The following PSMB2 variants were observed in gnomAD, a reference collection of about 807,000 sequenced individuals.
PSMB2 encodes the protein proteasome subunit beta type-2.
PSMB2 carries 13 observed loss-of-function variants against 25.7 expected under a neutral mutation model. The ratio of observed to expected loss-of-function variants is 0.51; its 90% confidence interval spans 0.33 to 0.80. The LOEUF (loss-of-function observed/expected upper bound fraction) is 0.80. Ranked by LOEUF, PSMB2 falls within the 30% of genes least tolerant of loss-of-function variation. The pLI is 0.02. For missense variants in PSMB2, 202 were observed against 259.0 expected (o/e 0.78, Z 1.51); for synonymous variants, 87 against 96.2 (o/e 0.90, Z 0.56).
At chr1:35,609,774 T>C (rs948560268) in intron 3 of PSMB2, among the ~76,000 whole-genome samples, 2 of 152,184 alleles carry the variant, frequency 1.3e-5, no homozygotes, top group Non-Finnish European at 2.9e-5. Context: ...TTAAAATAAC[T>C]AAAAGAGTAT....
chr1:35,627,192 G>A (rs150258739), intron 3 of PSMB2, among the ~76,000 whole-genome samples: 8 of 149,472 alleles, frequency 5.4e-5, no homozygotes, highest in African/African-American at 2.0e-4. Context: ...GTTTGAGCCC[G>A]GGAGGTTGAG....
rs529519132 is a variant in PSMB2, at chr1:35,601,094, T to A, written c.*2173A>T. On this transcript the variant is annotated 3_prime_UTR_variant, in exon 6 of 6. Coordinates refer to ENST00000373237, the MANE Select transcript of PSMB2 (RefSeq NM_002794.5). ...TTTTTTTTTTTTTTTTGAGACAGAG[T>A]CTTGCTCTGTCAGCCAGGCTGGAGT... The A allele has an allele frequency of 3.6e-4, 339 of 932,508 alleles. No homozygotes were observed. The highest frequency in any genetic ancestry group is 4.1e-4 in the Non-Finnish European group (330 of 802,790). The allele number at this position is 932,508 out of a possible 1,614,324, so 57.8% of individuals were successfully genotyped here.
chr1:35,638,998 A>G, intron 1 of PSMB2, among the ~76,000 whole-genome samples: 1 of 152,192 alleles, frequency 6.6e-6, no homozygotes, highest in East Asian at 1.9e-4. Flanking sequence ...TCACGCCTGT[A>G]ATCCCAGCAC....
chr1:35,599,982 C>T lies in PSMB2; in HGVS notation c.*3285G>A, dbSNP rs920935303. The T allele has an allele frequency of 1.5e-6, 1 of 659,750 alleles. No homozygotes were observed. The highest frequency in any genetic ancestry group is 1.9e-6 in the Non-Finnish European group (1 of 533,060). 40.9% of individuals were successfully genotyped at this position (659,750 alleles called of 1,614,324 possible). On this transcript the variant is annotated 3_prime_UTR_variant, in exon 6 of 6. Coordinates refer to ENST00000373237, the MANE Select transcript of PSMB2 (RefSeq NM_002794.5). ...ACCCTGTCTCTACAAAAAATTTTGA[C>T]AAAATTAGCTGGGTGCAGTGGTGCA...
At chr1:35,628,596 A>AAAAAAATAT (rs59538661) in intron 3 of PSMB2, among the ~76,000 whole-genome samples, 9 of 25,106 alleles carry the variant, frequency 3.6e-4, no homozygotes, top group Admixed American at 8.2e-4. Flanking sequence ...AAAAAAAAAA[A>AAAAAAATAT]ATATATATAT....
At chr1:35,625,167 T>G (rs1650816474) in intron 3 of PSMB2, among the ~76,000 whole-genome samples, 1 of 152,204 alleles carries the variant, frequency 6.6e-6, no homozygotes, top group Non-Finnish European at 1.5e-5. Flanking sequence ...TCTTTTCAAC[T>G]TATTATTTCT....
In PSMB2 at chr1:35,628,761, T is replaced by C. The variant is rs554099998; in HGVS notation, c.285+2513A>G. On this transcript the variant is annotated intron_variant, in intron 3 of 5. Coordinates refer to ENST00000373237, the MANE Select transcript of PSMB2 (RefSeq NM_002794.5). Reference sequence around the variant, plus strand: ...TCTTCAAACTTCATGATCCCTCAGATTGTACAAGCCCTTGGTCAAAGCTAG... The same window carrying C: ...TCTTCAAACTTCATGATCCCTCAGACTGTACAAGCCCTTGGTCAAAGCTAG... Among the ~76,000 whole-genome samples the C allele has an allele frequency of 2.7e-5, 4 of 150,558 alleles. No individual in the cohort carries two copies. The East Asian group carries it at 5.9e-4, about 22-fold the overall frequency.
chr1:35,615,157 T>C (rs1194331352), intron 3 of PSMB2, among the ~76,000 whole-genome samples: 16 of 152,224 alleles, frequency 1.1e-4, no homozygotes, highest in Admixed American at 1.0e-3. Flanking sequence ...GATAGTAAGA[T>C]CAAGAAGTGG....
At chr1:35,620,318 T>C (rs1403885265) in intron 3 of PSMB2, among the ~76,000 whole-genome samples, 1 of 152,130 alleles carries the variant, frequency 6.6e-6, no homozygotes, top group African/African-American at 2.4e-5. Flanking sequence ...GCACCCCAGA[T>C]CCAACAAAAG....
intron 5 of PSMB2, 58 bp downstream of exon 5, chr1:35,605,174 AC>A: frequency 1.3e-6 from 2 of 1,518,536 alleles, no homozygotes; most frequent in Non-Finnish European, 1.8e-6. Context: ...AGGAACAGGA[AC>A]AACACTGGCA....
intron 3 of PSMB2, among the ~76,000 whole-genome samples, chr1:35,613,182 A>G (rs949495660): frequency 2.0e-5 from 3 of 152,252 alleles, no homozygotes; most frequent in African/African-American, 7.2e-5. Flanking sequence ...TAGACTAATT[A>G]AATCAATACA....
chr1:35,638,524 A>G (rs1651307364), intron 1 of PSMB2, among the ~76,000 whole-genome samples: 1 of 152,228 alleles, frequency 6.6e-6, no homozygotes, highest in Admixed American at 6.5e-5. Flanking sequence ...TGAAATGTTA[A>G]TAATATGACT....
chr1:35,628,596 AATATATATATATAT>A (rs869040203), intron 3 of PSMB2, among the ~76,000 whole-genome samples: 5 of 25,108 alleles, frequency 2.0e-4, no homozygotes, highest in Non-Finnish European at 3.0e-4. Flanking sequence ...AAAAAAAAAA[AATATATATATATAT>A]ATATATATAT....
chr1:35,636,603 A>T (rs1230277242), intron 1 of PSMB2, among the ~76,000 whole-genome samples, 171 bp from the exon 2 acceptor site: 4 of 152,066 alleles, frequency 2.6e-5, no homozygotes, highest in African/African-American at 9.7e-5. Flanking sequence ...AAAAAAAAAA[A>T]ATGGATGCTT....
intron 3 of PSMB2, among the ~76,000 whole-genome samples, chr1:35,622,367 A>G (rs1357078320): frequency 6.6e-6 from 1 of 152,214 alleles, no homozygotes; most frequent in African/African-American, 2.4e-5. Context: ...TTGGGGGTAA[A>G]TCTGCACTTC....
chr1:35,619,168 C>T (rs967762310), intron 3 of PSMB2, among the ~76,000 whole-genome samples: 2 of 152,130 alleles, frequency 1.3e-5, no homozygotes, highest in African/African-American at 4.8e-5. Context: ...TCTTTGTTTT[C>T]CTTTAATAAC....
At chr1:35,614,924 AT>A (rs1313901342) in intron 3 of PSMB2, among the ~76,000 whole-genome samples, 1 of 152,184 alleles carries the variant, frequency 6.6e-6, no homozygotes, top group African/African-American at 2.4e-5. Context: ...ACATGAGTTT[AT>A]TTTCACAGTG....
chr1:35,623,589 CACA>C (rs1490116349), intron 3 of PSMB2, among the ~76,000 whole-genome samples: 2 of 152,238 alleles, frequency 1.3e-5, no homozygotes, highest in African/African-American at 4.8e-5. Flanking sequence ...TCTGCAGCAG[CACA>C]ACATTTTGTC....
At chr1:35,628,810 G>C (rs1650997200) in intron 3 of PSMB2, among the ~76,000 whole-genome samples, 1 of 150,722 alleles carries the variant, frequency 6.6e-6, no homozygotes, top group African/African-American at 2.4e-5. Flanking sequence ...TATTTATTGA[G>C]AAATTATCAG....
Sources: gnomAD v4.1 joint callset for allele counts (sites outside exome capture counted in the v4.1 genomes callset) on GRCh38, gnomAD v4.1.1 for gene constraint, MANE v1.5 for transcripts, NCBI Gene and HGNC (gene_info 2026-07-23, HGNC 2026-07-21) for gene names.